CDK15: variants seen among roughly 807,000 people sequenced by gnomAD.
The protein encoded by CDK15 is cyclin-dependent kinase 15.
CDK15 carries 62 observed loss-of-function variants against 60.3 expected under a neutral mutation model. The observed-to-expected ratio is 1.03, with a 90% CI of 0.84 to 1.27. The LOEUF is 1.27. Ranked by LOEUF, CDK15 falls within the 50% of genes most tolerant of loss-of-function variation. The probability of loss-of-function intolerance (pLI) is 0.00; values close to 1 mark genes in which losing one functional copy is unlikely to be tolerated. For synonymous variants in CDK15, 194 were observed against 195.7 expected, an observed-to-expected ratio of 0.99 and a Z score of 0.07; for missense variants, 541 against 527.8, an observed-to-expected ratio of 1.03 and a Z score of -0.25.
intron 10 of CDK15, among the ~76,000 whole-genome samples, chr2:201,869,708 AAG>A (rs1263951133): frequency 1.4e-5 from 2 of 142,060 alleles, no homozygotes; most frequent in African/African-American, 3.1e-5. Context: ...TCAAGTTAGA[AAG>A]AGTATTAAAA....
intron 11 of CDK15, among the ~76,000 whole-genome samples, chr2:201,873,363 AC>A (rs1182549681): frequency 6.6e-6 from 1 of 152,166 alleles, no homozygotes; most frequent in Non-Finnish European, 1.5e-5. Context: ...CTAGGGAACT[AC>A]TGTTTATCAC....
intron 10 of CDK15, among the ~76,000 whole-genome samples, chr2:201,855,920 G>A (rs541940610): frequency 6.6e-6 from 1 of 151,772 alleles, no homozygotes; most frequent in Admixed American, 6.6e-5. Flanking sequence ...CCACCTCCTG[G>A]GTTCAAGCAA....
At position 201,820,374 on chromosome 2, in the gene CDK15, G is replaced by C. The variant is rs942935232; in HGVS notation, c.449-2435G>C. 6.6e-5 allele frequency among the ~76,000 whole-genome samples: 10 copies of C among 152,100 alleles called. No homozygotes were observed. In the South Asian group the frequency reaches 2.1e-3, roughly 32 times the overall value. ...TAGTGGGGTTCAGGGTGAAAGGCAG[G>C]GGCAAGAAGCTGGCAAGAAGAGGGA... is the stretch of plus-strand genomic sequence containing the variant. On this transcript the variant is annotated intron_variant, in intron 4 of 13. Transcript: ENST00000652192.
At chr2:201,823,857 A>C in intron 6 of CDK15, 130 bp downstream of exon 6, 1 of 751,046 alleles carries the variant, frequency 1.3e-6, no homozygotes, top group Non-Finnish European at 2.1e-6. Context: ...ATTCCAGAAA[A>C]AAGTTTTGTT....
rs754909368 is a variant in CDK15 at position 201,823,513 on chromosome 2, C to T, written c.544-152C>T. The stretch of plus-strand genomic sequence containing the variant: ...CTGTGTTTGACCTTAACAGTGGGTT[C>T]TCAGAAAACCTGGTTATATTCCTTT... On this transcript the variant is annotated intron_variant, in intron 5 of 13. Coordinates refer to ENST00000652192, the MANE Select transcript of CDK15 (RefSeq NM_001366386.2). The T allele has an allele frequency of 1.1e-5, 7 of 659,310 alleles. No individual in the cohort carries two copies. The South Asian group carries it at 1.2e-4, about 11-fold the overall frequency. 40.8% of individuals were successfully genotyped at this position (659,310 alleles called of 1,614,324 possible).
intron 6 of CDK15, among the ~76,000 whole-genome samples, chr2:201,828,704 G>A (rs1696617655): frequency 6.6e-6 from 1 of 152,184 alleles, no homozygotes; most frequent in African/African-American, 2.4e-5. Flanking sequence ...AATGTGGGAA[G>A]GGGCACAGAG....
intron 12 of CDK15, among the ~76,000 whole-genome samples, chr2:201,889,710 G>GA (rs1699575509): frequency 6.7e-6 from 1 of 149,428 alleles, no homozygotes; most frequent in Non-Finnish European, 1.5e-5. Context: ...TTTTCAAATA[G>GA]TTTTTTTTTT....
intron 11 of CDK15, among the ~76,000 whole-genome samples, chr2:201,876,882 C>G (rs1279284595): frequency 1.3e-5 from 2 of 152,158 alleles, no homozygotes; most frequent in Non-Finnish European, 2.9e-5. Flanking sequence ...ACTGCAGCCT[C>G]GACCTCCTGG....
At chr2:201,864,904 T>C (rs1698554939) in intron 10 of CDK15, among the ~76,000 whole-genome samples, 1 of 152,122 alleles carries the variant, frequency 6.6e-6, no homozygotes, top group Non-Finnish European at 1.5e-5. Flanking sequence ...AAATCGGTAT[T>C]TAAAGCCTCA....
chr2:201,867,364 C>G (rs1441165012), intron 10 of CDK15, among the ~76,000 whole-genome samples: 1 of 152,084 alleles, frequency 6.6e-6, no homozygotes, highest in Non-Finnish European at 1.5e-5. Flanking sequence ...GTGGCTCATG[C>G]CTGTAATCCT....
At chr2:201,833,366 T>C (rs1696843131) in intron 6 of CDK15, among the ~76,000 whole-genome samples, 1 of 152,192 alleles carries the variant, frequency 6.6e-6, no homozygotes, top group Admixed American at 6.5e-5. Flanking sequence ...TATTTTTTAG[T>C]GTGGTCTCCT....
chr2:201,842,628 T>C (rs1697442302), intron 8 of CDK15, among the ~76,000 whole-genome samples: 1 of 152,096 alleles, frequency 6.6e-6, no homozygotes, highest in Non-Finnish European at 1.5e-5. Context: ...CCGAGATGGA[T>C]TTTTTTTCTC....
intron 10 of CDK15, among the ~76,000 whole-genome samples, chr2:201,863,518 A>G (rs995915920): frequency 1.8e-4 from 27 of 152,276 alleles, no homozygotes; most frequent in Admixed American, 1.6e-3. Context: ...CTCCTTCTCC[A>G]TGTTTATGGC....
rs1699324139 is a variant in CDK15, at chr2:201,882,672, T to C, written c.1198+2505T>C. Among the ~76,000 whole-genome samples the C allele has an allele frequency of 7.0e-6, 1 of 143,618 alleles. No homozygotes were observed. The highest frequency in any genetic ancestry group is 1.6e-5 in the Non-Finnish European group (1 of 63,822). The allele number at this position is 143,618 out of a possible 152,430, so 94.2% of individuals were successfully genotyped here. On this transcript the variant is annotated intron_variant, in intron 12 of 13. Coordinates refer to ENST00000652192, the MANE Select transcript of CDK15 (RefSeq NM_001366386.2). The surrounding 1 kb of genome is among the most constrained non-coding windows in gnomAD (Gnocchi z 4.0). ...GTGTGTGTGTGCTCGTGCACATGAGTGCACGAGCATGTGTGTGTGCTTGTG... is the reference window on the plus strand; with the variant it reads ...GTGTGTGTGTGCTCGTGCACATGAGCGCACGAGCATGTGTGTGTGCTTGTG...
At chr2:201,877,102 A>G (rs979575024) in intron 11 of CDK15, among the ~76,000 whole-genome samples, 22 of 152,134 alleles carry the variant, frequency 1.4e-4, no homozygotes, top group Non-Finnish European at 5.9e-5. Flanking sequence ...TGGCCAAATA[A>G]CCTGTTCTTA....
In CDK15 at chr2:201,806,678, T is replaced by C. The variant is rs1208856499; in HGVS notation, c.14T>C (p.Leu5Pro). The part of the protein sequence containing the change: MGQE[L>P]CAKTVQPGCS... ...ACCTACAAGATTATGGGTCAAGAGC[T>C]GTGTGCAAAGACTGTACAGCCTGGA... Residue 5 changes from leucine to proline, a missense_variant, in exon 1 of 14, where the codon CTG becomes CCG. By Grantham distance (98) the Leu-to-Pro change is moderately conservative. Coordinates refer to ENST00000652192, the MANE Select transcript of CDK15 (RefSeq NM_001366386.2). 2 of 1,595,408 alleles carry C rather than the reference T, an allele frequency of 1.3e-6. No homozygotes were observed. The highest frequency in any genetic ancestry group is 2.2e-5 in the South Asian group (2 of 90,316).
chr2:201,812,604 C>T, intron 4 of CDK15, 42 bp downstream of exon 4: 1 of 1,387,960 alleles, frequency 7.2e-7, no homozygotes. Flanking sequence ...TGTTTTGAGT[C>T]CTTGATTTGG....
intron 13 of CDK15, 51 bp downstream of exon 13, chr2:201,890,978 T>C: frequency 1.1e-6 from 1 of 925,464 alleles, no homozygotes; most frequent in Non-Finnish European, 1.7e-6. Context: ...GAAAAGCAAT[T>C]GGTGCCGGGT....
intron 3 of CDK15, among the ~76,000 whole-genome samples, chr2:201,810,962 C>A (rs1255633306): frequency 6.6e-6 from 1 of 150,748 alleles, no homozygotes; most frequent in Non-Finnish European, 1.5e-5. Context: ...CTCCTCTCAG[C>A]CTCCTGAGTA....
Sources: gnomAD v4.1 joint callset for allele counts (sites outside exome capture counted in the v4.1 genomes callset) on GRCh38, gnomAD v4.1.1 for gene constraint, Gnocchi (gnomAD v3.1) non-coding constraint, MANE v1.5 for transcripts, NCBI Gene and HGNC (gene_info 2026-07-23, HGNC 2026-07-21) for gene names.